The following CCNY variants were observed in gnomAD, a reference collection of about 807,000 sequenced individuals.
CCNY encodes the protein cyclin Y, also known as cyclin-Y.
A neutral mutation model predicts 42.8 loss-of-function variants in CCNY; 19 were observed. That is an observed-to-expected ratio of 0.44 (90% CI 0.31 to 0.65). The LOEUF is 0.65. Among genes scored for constraint, CCNY ranks in the 30% least tolerant of loss-of-function variants. The probability of loss-of-function intolerance (pLI) is 0.07; values close to 1 mark genes in which losing one functional copy is unlikely to be tolerated. For synonymous variants in CCNY, 165 were observed against 162.7 expected (o/e 1.01, Z -0.11); for missense variants, 370 against 437.3 (o/e 0.85, Z 1.37).
chr10:35,254,303 G>T (rs2095714027), intron 3 of CCNY, among the ~76,000 whole-genome samples: 1 of 152,066 alleles, frequency 6.6e-6, no homozygotes, highest in South Asian at 2.1e-4. Flanking sequence ...GTGTTTGCTT[G>T]CCTAACAAAT....
Position 35,452,966 on chromosome 10 carries a change from A to AT in CCNY, c.155-30434dup, listed in dbSNP as rs769027547. The stretch of plus-strand genomic sequence containing the variant: ...TAATTGTGGTGACATTGTCTAGAAC[A>AT]TTTTAAAAAAAATATTATTTATTTT... On this transcript the variant is annotated intron_variant, in intron 1 of 9. Coordinates refer to ENST00000374704, the MANE Select transcript of CCNY (RefSeq NM_145012.6). Among the ~76,000 whole-genome samples the AT allele has an allele frequency of 8.7e-4, 132 of 152,156 alleles. 1 individual carries two copies. Among genetic ancestry groups the AT allele is most frequent in the Non-Finnish European group, 1.6e-3 (111 of 68,020 alleles).
At chr10:35,288,760 T>C (rs1835381374) in intron 3 of CCNY, among the ~76,000 whole-genome samples, 1 of 152,218 alleles carries the variant, frequency 6.6e-6, no homozygotes, top group African/African-American at 2.4e-5. Context: ...CAGTTTTACC[T>C]TTAATCTCTG....
At chr10:35,292,782 T>C (rs1034679380) in intron 3 of CCNY, among the ~76,000 whole-genome samples, 23 of 119,534 alleles carry the variant, frequency 1.9e-4, no homozygotes, top group African/African-American at 7.0e-4. Flanking sequence ...TTTGTTTTTG[T>C]TTTTTTTTTT....
chr10:35,431,797 G>C (rs1388150965), intron 1 of CCNY, among the ~76,000 whole-genome samples: 1 of 151,910 alleles, frequency 6.6e-6, no homozygotes, highest in African/African-American at 2.4e-5. Context: ...CCACTCACAG[G>C]GTGTGGCCTT....
At chr10:35,315,763 T>G (rs901031828) in intron 3 of CCNY, among the ~76,000 whole-genome samples, 2 of 152,202 alleles carry the variant, frequency 1.3e-5, no homozygotes, top group East Asian at 3.9e-4. Flanking sequence ...CATCTGTTAT[T>G]TTTTTGACTT....
chr10:35,311,992 ATTT>A, intron 3 of CCNY, among the ~76,000 whole-genome samples: 1 of 151,432 alleles, frequency 6.6e-6, no homozygotes, highest in South Asian at 2.1e-4. Context: ...TCTAAAAAAA[ATTT>A]TTTTGTTTGG....
At chr10:35,490,466 C>T (rs1331468690) in intron 2 of CCNY, among the ~76,000 whole-genome samples, 10 of 152,218 alleles carry the variant, frequency 6.6e-5, no homozygotes, top group African/African-American at 1.7e-4. Flanking sequence ...GCCAGACAGG[C>T]GCAGGGGAGT....
intron 1 of CCNY, among the ~76,000 whole-genome samples, chr10:35,369,702 T>G (rs986279647): frequency 2.0e-5 from 3 of 152,212 alleles, no homozygotes; most frequent in Non-Finnish European, 4.4e-5. Flanking sequence ...TGGAAAAGTT[T>G]CTGAGATTAA....
At chr10:35,252,565 CAAAA>C (rs755376669) in intron 3 of CCNY, among the ~76,000 whole-genome samples, 1 of 21,538 alleles carries the variant, frequency 4.6e-5, no homozygotes, top group Non-Finnish European at 1.0e-4. Flanking sequence ...GACTCCGTCT[CAAAA>C]AAAAAAAAAA....
chr10:35,258,615 G>C (rs143047929), intron 3 of CCNY, among the ~76,000 whole-genome samples: 2 of 152,114 alleles, frequency 1.3e-5, no homozygotes, highest in African/African-American at 4.8e-5. Context: ...CTTCTTTGCC[G>C]ACCCTGGCTC....
intron 1 of CCNY, among the ~76,000 whole-genome samples, chr10:35,439,532 C>G (rs1838618377): frequency 6.6e-6 from 1 of 151,698 alleles, no homozygotes; most frequent in African/African-American, 2.4e-5. Context: ...CTCTCTCTCT[C>G]TCTTTTTTTT....
At chr10:35,318,133 T>C (rs1312357976) in intron 3 of CCNY, among the ~76,000 whole-genome samples, 1 of 151,978 alleles carries the variant, frequency 6.6e-6, no homozygotes, top group Non-Finnish European at 1.5e-5. Context: ...GAGGCTAAGG[T>C]GGGAACATCA....
At chr10:35,423,608 C>T (rs1444705764) in intron 1 of CCNY, among the ~76,000 whole-genome samples, 1 of 151,616 alleles carries the variant, frequency 6.6e-6, no homozygotes, top group Non-Finnish European at 1.5e-5. Flanking sequence ...ATTTTTCCTC[C>T]TGGGTTTGTT....
At chr10:35,452,292 A>T (rs1021707603) in intron 1 of CCNY, among the ~76,000 whole-genome samples, 1 of 152,346 alleles carries the variant, frequency 6.6e-6, no homozygotes, top group Non-Finnish European at 1.5e-5. Context: ...AGTTTGTTCT[A>T]TAACTAAGAC....
At chr10:35,431,926 C>T (rs1186262728) in intron 1 of CCNY, among the ~76,000 whole-genome samples, 1 of 152,108 alleles carries the variant, frequency 6.6e-6, no homozygotes. Flanking sequence ...ATAAAGACAT[C>T]ATGGATTTGT....
chr10:35,301,970 ATTTATTTT>A (rs1205214009), intron 3 of CCNY, among the ~76,000 whole-genome samples: 1 of 149,472 alleles, frequency 6.7e-6, no homozygotes, highest in African/African-American at 2.5e-5. Context: ...TTATTTATTT[ATTTATTTT>A]TTGAGGCGGA....
In CCNY at chr10:35,384,747, G is replaced by A. The variant is rs192060735; in HGVS notation, c.154+47540G>A. 1.9e-4 allele frequency among the ~76,000 whole-genome samples: 29 copies of A among 152,246 alleles called. No individual in the cohort carries two copies. The East Asian group carries it at 4.8e-3, about 25-fold the overall frequency. ...TAGTTTGCCTGTCCTTCTCCCCCAGGGACAAGGTGCCCCTGGGACCCTTTC... is the reference window on the plus strand; with the variant it reads ...TAGTTTGCCTGTCCTTCTCCCCCAGAGACAAGGTGCCCCTGGGACCCTTTC... On this transcript the variant is annotated intron_variant, in intron 1 of 9. Transcript: ENST00000374704.
chr10:35,319,736 C>T (rs1336506654), intron 3 of CCNY, among the ~76,000 whole-genome samples: 1 of 151,724 alleles, frequency 6.6e-6, no homozygotes, highest in Non-Finnish European at 1.5e-5. Context: ...TTATCCTCAT[C>T]TCAGGAGTTT....
intron 1 of CCNY, among the ~76,000 whole-genome samples, chr10:35,397,769 T>G (rs1273630633): frequency 1.3e-5 from 2 of 152,184 alleles, no homozygotes; most frequent in Admixed American, 1.3e-4. Flanking sequence ...CAGCTGTGTG[T>G]GGGCTGCTGC....
Sources: gnomAD v4.1 joint callset for allele counts (sites outside exome capture counted in the v4.1 genomes callset) on GRCh38, gnomAD v4.1.1 for gene constraint, MANE v1.5 for transcripts, NCBI Gene and HGNC (gene_info 2026-07-23, HGNC 2026-07-21) for gene names.